The following HVCN1 variants were observed in gnomAD, a reference collection of about 807,000 sequenced individuals.
HVCN1 encodes hydrogen voltage gated channel 1, also known as voltage-gated hydrogen channel 1.
Under a neutral mutation model 29.2 loss-of-function variants are expected in HVCN1, and 14 were observed. That is an observed-to-expected ratio of 0.48 (90% CI 0.32 to 0.75). HVCN1 has a LOEUF of 0.75. Ranked by LOEUF, HVCN1 falls within the 30% of genes least tolerant of loss-of-function variation. The probability of loss-of-function intolerance (pLI) is 0.04; values close to 1 mark genes in which losing one functional copy is unlikely to be tolerated. For missense variants in HVCN1, 263 were observed against 341.8 expected, an observed-to-expected ratio of 0.77 and a Z score of 1.82; for synonymous variants, 131 against 133.2, an observed-to-expected ratio of 0.98 and a Z score of 0.11.
At chr12:110,683,816 C>T (rs1050816805) in intron 2 of HVCN1, among the ~76,000 whole-genome samples, 2 of 148,746 alleles carry the variant, frequency 1.3e-5, no homozygotes, top group Non-Finnish European at 3.0e-5. Flanking sequence ...GAGGCTGAGG[C>T]AGGAGAATCG....
At chr12:110,655,887 T>C (rs1295854205) in intron 4 of HVCN1, among the ~76,000 whole-genome samples, 1 of 152,098 alleles carries the variant, frequency 6.6e-6, no homozygotes, top group Non-Finnish European at 1.5e-5. Flanking sequence ...GTATTTTTAG[T>C]AGAGATGGTG....
At chr12:110,655,462 A>G (rs1469408945) in intron 4 of HVCN1, 124 bp from the exon 5 acceptor site, 2 of 693,990 alleles carry the variant, frequency 2.9e-6, no homozygotes, top group East Asian at 2.8e-5. Flanking sequence ...TAAGGATGGG[A>G]GGCTACTGCT....
upstream of HVCN1, among the ~76,000 whole-genome samples, chr12:110,694,716 A>C (rs1320080218): frequency 6.6e-6 from 1 of 152,194 alleles, no homozygotes; most frequent in Non-Finnish European, 1.5e-5. This position sits in a 1 kb window ranked among gnomAD's most constrained non-coding sequence, Gnocchi z 4.6. Flanking sequence ...CCCAGCAGAT[A>C]AGATTTATCT....
intron 3 of HVCN1, among the ~76,000 whole-genome samples, chr12:110,672,549 G>A (rs2068616178): frequency 6.6e-6 from 1 of 152,210 alleles, no homozygotes; most frequent in Admixed American, 6.5e-5. Context: ...GGAGGAGAGA[G>A]GGACTGGGTT....
intron 3 of HVCN1, among the ~76,000 whole-genome samples, chr12:110,675,767 G>T (rs1289065119): frequency 6.6e-6 from 1 of 151,814 alleles, no homozygotes; most frequent in South Asian, 2.1e-4. Context: ...TTAGCTGGGG[G>T]TGGTGGTGGT....
Position 110,660,584 on chromosome 12 carries a change from C to T in HVCN1, c.306+580G>A, listed in dbSNP as rs1417760550. On this transcript the variant is annotated intron_variant, in intron 4 of 7. Coordinates refer to ENST00000242607, the MANE Select transcript of HVCN1 (RefSeq NM_032369.4). ...TTTGTGTGTGGTAAAATTTGCATAA[C>T]GTAAAATTTACCATTTTAAAGTTGG... Among the ~76,000 whole-genome samples the T allele has an allele frequency of 2.6e-5, 4 of 152,282 alleles. No individual in the cohort carries two copies. The East Asian group carries it at 5.8e-4, about 22-fold the overall frequency.
intron 3 of HVCN1, among the ~76,000 whole-genome samples, chr12:110,663,587 CAA>C (rs1182792368): frequency 0.014 from 359 of 25,720 alleles, no homozygotes; most frequent in African/African-American, 0.023. Context: ...GACGCTGTCT[CAA>C]AAAAAAAAAA....
chr12:110,677,730 C>A (rs1450941317), intron 3 of HVCN1, among the ~76,000 whole-genome samples: 1 of 152,116 alleles, frequency 6.6e-6, no homozygotes, highest in Non-Finnish European at 1.5e-5. Flanking sequence ...AGTGTAGAAA[C>A]TTTTCCTTCT....
At chr12:110,666,161 G>A (rs2068342075) in intron 3 of HVCN1, among the ~76,000 whole-genome samples, 1 of 152,160 alleles carries the variant, frequency 6.6e-6, no homozygotes, top group Non-Finnish European at 1.5e-5. Flanking sequence ...GCTCATGCCT[G>A]TAATCCCAGC....
rs181963738 is a variant in HVCN1 at position 110,699,790 on chromosome 12, C to T, written c.-104+2519G>A. Among the ~76,000 whole-genome samples, 15 of 152,166 alleles carry T rather than the reference C, an allele frequency of 9.9e-5. No individual in the cohort carries two copies. The East Asian group carries it at 1.5e-3, about 16-fold the overall frequency. On this transcript the variant is annotated intron_variant, in intron 2 of 4. Transcript: ENST00000546713. ...CACAATGGCCATGAGGTAGGCCCTC[C>T]GATGAGTTAGGATTATGTTCTGCGC...
At chr12:110,701,812 G>C (rs192692427) in intron 2 of HVCN1, among the ~76,000 whole-genome samples, 1 of 151,142 alleles carries the variant, frequency 6.6e-6, no homozygotes, top group Admixed American at 6.6e-5. Flanking sequence ...AGCTGAGATC[G>C]TGCCATTGCA....
Position 110,658,665 on chromosome 12 carries a change from C to T in HVCN1, c.306+2499G>A, listed in dbSNP as rs1410380915. 6.6e-6 allele frequency among the ~76,000 whole-genome samples: 1 copy of T among 152,012 alleles called. No individual in the cohort carries two copies. Among genetic ancestry groups the T allele is most frequent in the Admixed American group, 6.5e-5 (1 of 15,276 alleles). On this transcript the variant is annotated intron_variant, in intron 4 of 7. Coordinates refer to ENST00000242607, the MANE Select transcript of HVCN1 (RefSeq NM_032369.4). This position sits in a 1 kb window ranked among gnomAD's most constrained non-coding sequence, Gnocchi z 5.0. ...CCCCCACCCCCAGGACCTCTCAGAG[C>T]CCCCCTCCTCCCTGCGGAGGGCTTC...
intron 2 of HVCN1, among the ~76,000 whole-genome samples, chr12:110,687,461 G>A (rs1000760708): frequency 1.3e-5 from 2 of 152,194 alleles, no homozygotes; most frequent in African/African-American, 2.4e-5. Context: ...GCCCCTGAGA[G>A]AGCGGAGTAC....
chr12:110,683,729 G>A (rs2069074296), intron 2 of HVCN1, among the ~76,000 whole-genome samples: 1 of 152,004 alleles, frequency 6.6e-6, no homozygotes, highest in Non-Finnish European at 1.5e-5. Flanking sequence ...TGGCCAACAT[G>A]GTGAAAACCC....
At chr12:110,662,235 G>A (rs2068201279) in intron 3 of HVCN1, among the ~76,000 whole-genome samples, 1 of 150,846 alleles carries the variant, frequency 6.6e-6, no homozygotes. Flanking sequence ...TTGTCAATAG[G>A]AAAAAAAAAT....
chr12:110,663,239 T>C (rs1262447723), intron 3 of HVCN1, among the ~76,000 whole-genome samples: 2 of 152,106 alleles, frequency 1.3e-5, no homozygotes, highest in African/African-American at 2.4e-5. Context: ...TATCCCTACA[T>C]AGGGTCCAAA....
Position 110,649,406 on chromosome 12 carries a change from G to C in HVCN1, c.*4C>G, listed in dbSNP as rs746773382. On this transcript the variant is annotated 3_prime_UTR_variant, in exon 8 of 8. Coordinates refer to ENST00000242607, the MANE Select transcript of HVCN1 (RefSeq NM_032369.4). ...TCTTCTTTTTGAGGGGAGCTGGTCC[G>C]GGTCTAGTTCACTTCACCAAGAAGT... 6.2e-7 allele frequency: 1 copy of C among 1,605,988 alleles called. No homozygotes were observed. The highest frequency in any genetic ancestry group is 8.5e-7 in the Non-Finnish European group (1 of 1,174,296).
chr12:110,649,488 C>G lies in HVCN1; in HGVS notation c.757-13G>C, dbSNP rs2067679536. ...CAATTTCTTGTTCCTATTGCAAAAG[C>G]AGACAAACACTGGAATTTACTTTGA... On this transcript the variant is annotated splice_polypyrimidine_tract_variant and intron_variant, in intron 7 of 7. Coordinates refer to ENST00000242607, the MANE Select transcript of HVCN1 (RefSeq NM_032369.4). 2 of 1,589,136 alleles carry G rather than the reference C, an allele frequency of 1.3e-6. No individual in the cohort carries two copies. Among genetic ancestry groups the G allele is most frequent in the African/African-American group, 2.7e-5 (2 of 74,480 alleles).
At position 110,694,880 on chromosome 12, in the gene HVCN1, T is replaced by C. The variant is rs545937917; in HGVS notation, c.-103-6172A>G. Among the ~76,000 whole-genome samples the C allele has an allele frequency of 1.5e-4, 23 of 152,116 alleles. No individual in the cohort carries two copies. Among genetic ancestry groups the C allele is most frequent in the African/African-American group, 5.3e-4 (22 of 41,486 alleles). On this transcript the variant is annotated intron_variant, in intron 2 of 4. Transcript: ENST00000546713. This position sits in a 1 kb window ranked among gnomAD's most constrained non-coding sequence, Gnocchi z 4.6. ...CACAGTTCAGAGTCACACAGAAGAG[T>C]AGGAAGAACACAGGCATTGCATCAA... is the stretch of plus-strand genomic sequence containing the variant.
Sources: gnomAD v4.1 joint callset for allele counts (sites outside exome capture counted in the v4.1 genomes callset) on GRCh38, gnomAD v4.1.1 for gene constraint, Gnocchi (gnomAD v3.1) non-coding constraint, MANE v1.5 for transcripts, NCBI Gene and HGNC (gene_info 2026-07-23, HGNC 2026-07-21) for gene names.